Variants in DNA2 observed in about 807,000 individuals in gnomAD.
The protein encoded by DNA2 is DNA replication ATP-dependent helicase/nuclease DNA2.
Under a neutral mutation model 119.1 loss-of-function variants are expected in DNA2, and 101 were observed. The observed-to-expected ratio is 0.85, with a 90% CI of 0.72 to 1.00. DNA2 has a LOEUF of 1.00. Among genes scored for constraint, DNA2 ranks in the 50% least tolerant of loss-of-function variants. DNA2 has a pLI of 0.00. For synonymous variants in DNA2, 366 were observed against 424.4 expected (o/e 0.86, Z 1.69); for missense variants, 1,121 against 1,255.5 (o/e 0.89, Z 1.62).
In DNA2 at chr10:68,466,240, C is replaced by T. The variant is rs895625268; in HGVS notation, c.442-428G>A. 6.6e-5 allele frequency among the ~76,000 whole-genome samples: 10 copies of T among 151,842 alleles called. No homozygotes were observed. In the South Asian group the frequency reaches 1.7e-3, roughly 25 times the overall value. On this transcript the variant is annotated intron_variant, in intron 3 of 20. Transcript: ENST00000358410. ...GCAGGGTTTCACCATGTTGGCCAGGCTGATATGAATTACTTTTAAAATCAA... is the reference window on the plus strand; with the variant it reads ...GCAGGGTTTCACCATGTTGGCCAGGTTGATATGAATTACTTTTAAAATCAA...
chr10:68,427,621 C>A (rs1221051962), intron 14 of DNA2, among the ~76,000 whole-genome samples: 2 of 147,420 alleles, frequency 1.4e-5, no homozygotes, highest in Non-Finnish European at 1.5e-5. Context: ...TGCACTCCAG[C>A]CTGGGCAACA....
chr10:68,459,253 G>A lies in DNA2; in HGVS notation c.588-18C>T. 1 of 1,526,386 alleles carries A rather than the reference G, an allele frequency of 6.6e-7. No homozygotes were observed. The highest frequency in any genetic ancestry group is 8.8e-7 in the Non-Finnish European group (1 of 1,138,098). 94.6% of individuals were successfully genotyped at this position (1,526,386 alleles called of 1,614,324 possible). A position where few individuals can be genotyped will look rare whatever the true frequency, so the allele number is the denominator to read the frequency against. On this transcript the variant is annotated intron_variant, in intron 4 of 20. Transcript: ENST00000358410. The stretch of plus-strand genomic sequence containing the variant: ...AGCGGTACCTGCCAAAAATATAATA[G>A]TAAATAGACTTAGACTTAAGCGGTA...
intron 17 of DNA2, among the ~76,000 whole-genome samples, chr10:68,420,261 G>A (rs1406317291): frequency 2.0e-5 from 3 of 152,144 alleles, no homozygotes; most frequent in East Asian, 1.9e-4. Context: ...TAGGGTGGCC[G>A]GGCGCGGTGG....
upstream of DNA2, chr10:68,472,097 G>C: frequency 1.3e-6 from 2 of 1,541,898 alleles, no homozygotes; most frequent in African/African-American, 1.4e-5. Flanking sequence ...CCCTTGCTTA[G>C]GACTGGGAAT....
chr10:68,433,425 A>G (rs939695728), intron 10 of DNA2, among the ~76,000 whole-genome samples: 4 of 152,176 alleles, frequency 2.6e-5, no homozygotes, highest in African/African-American at 9.6e-5. Flanking sequence ...AATGAACTCA[A>G]TTCTCTACAA....
At position 68,437,195 on chromosome 10, in the gene DNA2, C is replaced by T. The variant is rs1427765276; in HGVS notation, c.1462G>A (p.Val488Ile). The change falls in exon 10 of 21, where the codon GTA (valine) becomes ATA (isoleucine). Residue 488 changes from valine (V) to isoleucine (I), a missense_variant. Transcript: ENST00000358410. Reference protein sequence around the residue: ...CIGNLIRMEHVKIVCDGQYLH... With the variant: ...CIGNLIRMEHIKIVCDGQYLH... ...TATTGCCCATCACAAACTATCTTTA[C>T]ATGTTCCATTCTAATCAGGTTTCCA... 1.9e-6 allele frequency: 3 copies of T among 1,613,012 alleles called. No homozygotes were observed. The highest frequency in any genetic ancestry group is 1.6e-4 in the Middle Eastern group (1 of 6,082).
At chr10:68,416,977 C>A in intron 19 of DNA2, 122 bp from the exon 20 acceptor site, 1 of 811,708 alleles carries the variant, frequency 1.2e-6, no homozygotes, top group Non-Finnish European at 1.9e-6. Flanking sequence ...GGTGTAGTGG[C>A]TCATGCCTGT....
In DNA2 at chr10:68,415,757, G is replaced by A. The variant is rs142522789; in HGVS notation, c.3115-650C>T. 8.7e-3 allele frequency among the ~76,000 whole-genome samples: 1,321 copies of A among 152,116 alleles called. 21 individuals carry two copies. Among genetic ancestry groups the A allele is most frequent in the African/African-American group, 0.03 (1,234 of 41,506 alleles). On this transcript the variant is annotated intron_variant, in intron 20 of 20. Coordinates refer to ENST00000358410, the MANE Select transcript of DNA2 (RefSeq NM_001080449.3). ...CAACCTCCGCCTCCCGGGTGCAAGC[G>A]ATTCTCCTGCCTCAGCATCATGAGT...
rs371169616 is a variant in DNA2 at position 68,471,555 on chromosome 10, C to T, written c.74+236G>A. Among the ~76,000 whole-genome samples, 11 of 152,046 alleles carry T rather than the reference C, an allele frequency of 7.2e-5. No individual in the cohort carries two copies. In the East Asian group the frequency reaches 1.9e-3, roughly 27 times the overall value. ...CTCAACTTAGGGAGAGAGGTGAAATCAAGGGAAACAATGAACTGCTCGGCG... is the reference window on the plus strand; with the variant it reads ...CTCAACTTAGGGAGAGAGGTGAAATTAAGGGAAACAATGAACTGCTCGGCG... On this transcript the variant is annotated intron_variant, in intron 1 of 20. Transcript: ENST00000358410.
intron 8 of DNA2, among the ~76,000 whole-genome samples, chr10:68,444,118 G>A (rs573185299): frequency 1.3e-5 from 2 of 152,062 alleles, no homozygotes; most frequent in African/African-American, 4.8e-5. Flanking sequence ...ATTGCTGGGC[G>A]CAGTGGTTCA....
intron 19 of DNA2, among the ~76,000 whole-genome samples, chr10:68,418,221 C>T (rs2051617026): frequency 6.6e-6 from 1 of 152,018 alleles, no homozygotes; most frequent in African/African-American, 2.4e-5. Flanking sequence ...CGAGACCAGC[C>T]TGGACAAGAT....
In DNA2 at chr10:68,422,215, T is replaced by G. The variant is rs1223754483; in HGVS notation, c.2697+10A>C. On this transcript the variant is annotated intron_variant, in intron 17 of 20. Transcript: ENST00000358410. ...AATGAGAAAAACTAAACAGAAATTT[T>G]TTTTTTTACCTTGTCTGTATTAAGG... is the stretch of plus-strand genomic sequence containing the variant. 3 of 1,531,196 alleles carry G rather than the reference T, an allele frequency of 2.0e-6. No homozygotes were observed. The highest frequency in any genetic ancestry group is 1.7e-6 in the Non-Finnish European group (2 of 1,143,340). The allele number at this position is 1,531,196 out of a possible 1,614,324, so 94.9% of individuals were successfully genotyped here. A position where few individuals can be genotyped will look rare whatever the true frequency, so the allele number is the denominator to read the frequency against.
intron 4 of DNA2, among the ~76,000 whole-genome samples, chr10:68,464,460 A>G (rs1404063042): frequency 6.6e-6 from 1 of 151,626 alleles, no homozygotes; most frequent in African/African-American, 2.4e-5. Flanking sequence ...GGCTGCAATG[A>G]GCCAAGAGCA....
chr10:68,453,620 G>A (rs2052147588), intron 5 of DNA2, among the ~76,000 whole-genome samples: 1 of 152,152 alleles, frequency 6.6e-6, no homozygotes, highest in African/African-American at 2.4e-5. Flanking sequence ...GTGACATCTA[G>A]CTATTGTGGT....
intron 14 of DNA2, among the ~76,000 whole-genome samples, chr10:68,423,432 C>T (rs939407360): frequency 1.3e-5 from 2 of 152,120 alleles, no homozygotes; most frequent in Admixed American, 6.6e-5. Context: ...GAAGGAGCCA[C>T]GGCACACCAG....
At chr10:68,471,691 C>T in intron 1 of DNA2, 100 bp downstream of exon 1, 4 of 1,405,894 alleles carry the variant, frequency 2.8e-6, no homozygotes, top group Non-Finnish European at 3.8e-6. Flanking sequence ...GTCCCTGGGC[C>T]CCGGGCCCGG....
Position 68,444,928 on chromosome 10 carries a change from A to G in DNA2, c.1213T>C (p.Tyr405His), listed in dbSNP as rs2133402393. ...TTGGTAGACAATATTTACCTGCTAT[A>G]AAGAGCACAATTGCCAATTTGTGAA... ...YCSQIGNCALYSRAVEQQMDC... is the reference protein window; with the variant it reads ...YCSQIGNCALHSRAVEQQMDC... Residue 405 changes from tyrosine (Y) to histidine (H), a missense_variant, in exon 8 of 21, where the codon TAT becomes CAT. By Grantham distance (83) the Tyr-to-His change is moderately conservative. Coordinates refer to ENST00000358410, the MANE Select transcript of DNA2 (RefSeq NM_001080449.3). 16 of 1,612,896 alleles carry G rather than the reference A, an allele frequency of 9.9e-6. No homozygotes were observed. The highest frequency in any genetic ancestry group is 1.4e-5 in the Non-Finnish European group (16 of 1,179,128).
chr10:68,470,395 G>T (rs1314945442), intron 1 of DNA2: 1 of 460,230 alleles, frequency 2.2e-6, no homozygotes, highest in Non-Finnish European at 3.9e-6. Flanking sequence ...CATGATATGA[G>T]ATTTTCCATT....
chr10:68,432,364 T>A (rs759987868), intron 11 of DNA2, 30 bp downstream of exon 11: 3 of 1,564,014 alleles, frequency 1.9e-6, no homozygotes, highest in Non-Finnish European at 2.6e-6. Flanking sequence ...AAAAGTGGAG[T>A]GAAATTCAAA....
Sources: gnomAD v4.1 joint callset for allele counts (sites outside exome capture counted in the v4.1 genomes callset) on GRCh38, gnomAD v4.1.1 for gene constraint, MANE v1.5 for transcripts, NCBI Gene and HGNC (gene_info 2026-07-23, HGNC 2026-07-21) for gene names.